The following CFC1 variants were observed in gnomAD, a reference collection of about 807,000 sequenced individuals.
The protein encoded by CFC1 is cryptic, EGF-CFC family member 1, also known as cryptic protein.
For synonymous variants in CFC1, 8 were observed against 50.7 expected (o/e 0.16, Z 3.58); for missense variants, 14 against 120.0 (o/e 0.12, Z 4.13).
At chr2:130,596,056 T>C (rs1014409754) in intron 5 of CFC1, among the ~76,000 whole-genome samples, 1 of 74,176 alleles carries the variant, frequency 1.3e-5, no homozygotes, top group Non-Finnish European at 2.5e-5. Context: ...CCAGCATCAC[T>C]GTAACTTGCC....
chr2:130,595,549 G>A (rs1684943419), intron 5 of CFC1, among the ~76,000 whole-genome samples: 1 of 147,494 alleles, frequency 6.8e-6, no homozygotes, highest in Non-Finnish European at 1.5e-5. Flanking sequence ...GGCTAACATG[G>A]TTAAACCCCG....
intron 5 of CFC1, among the ~76,000 whole-genome samples, chr2:130,593,451 A>G (rs1684873596): frequency 6.6e-6 from 1 of 152,150 alleles, no homozygotes; most frequent in African/African-American, 2.4e-5. Flanking sequence ...TAGTATATAA[A>G]TCAGCTCGCT....
At chr2:130,594,353 G>A in intron 5 of CFC1, among the ~76,000 whole-genome samples, 1 of 145,910 alleles carries the variant, frequency 6.9e-6, no homozygotes, top group East Asian at 2.0e-4. Flanking sequence ...CTCACAGCAT[G>A]TGAAGCTATT....
chr2:130,593,910 C>T (rs2105170592), intron 5 of CFC1, among the ~76,000 whole-genome samples: 1 of 140,116 alleles, frequency 7.1e-6, no homozygotes, highest in South Asian at 2.3e-4. Context: ...AACATTCTCA[C>T]AAGCGAGTCC....
chr2:130,594,117 A>G (rs1308567125), intron 5 of CFC1, among the ~76,000 whole-genome samples: 1 of 151,632 alleles, frequency 6.6e-6, no homozygotes, highest in East Asian at 1.9e-4. Flanking sequence ...ATTAACAAGG[A>G]ATGATGCAGA....
intron 5 of CFC1, among the ~76,000 whole-genome samples, chr2:130,595,832 A>G (rs2105174130): frequency 6.9e-6 from 1 of 145,652 alleles, no homozygotes; most frequent in South Asian, 2.1e-4. Context: ...AGCTTCCCCA[A>G]ATGTAAAAGG....
At chr2:130,594,234 C>T (rs1247691436) in intron 5 of CFC1, among the ~76,000 whole-genome samples, 2 of 148,480 alleles carry the variant, frequency 1.3e-5, no homozygotes, top group Non-Finnish European at 2.9e-5. Context: ...CCCATAGCAC[C>T]CCCCACCTTG....
chr2:130,593,369 G>C (rs539407606), intron 5 of CFC1, among the ~76,000 whole-genome samples: 1,114 of 151,940 alleles, frequency 7.3e-3, no homozygotes, highest in Admixed American at 0.014. Context: ...CATTTGGCCC[G>C]TGACCTTTCA....
At chr2:130,595,982 G>A (rs1443259773) in intron 5 of CFC1, among the ~76,000 whole-genome samples, 1 of 98,586 alleles carries the variant, frequency 1.0e-5, no homozygotes, top group Non-Finnish European at 1.9e-5. Context: ...CACGGAGGAT[G>A]TTCCATCTAT....
At chr2:130,594,138 C>T (rs1368619268) in intron 5 of CFC1, among the ~76,000 whole-genome samples, 1 of 151,712 alleles carries the variant, frequency 6.6e-6, no homozygotes. Flanking sequence ...TGAACACCTG[C>T]AGCAAGAACC....
chr2:130,595,653 G>A (rs1263334113), intron 5 of CFC1, among the ~76,000 whole-genome samples: 2 of 148,160 alleles, frequency 1.3e-5, no homozygotes, highest in Non-Finnish European at 3.0e-5. Context: ...CAGGAGAATG[G>A]CATGAACCCT....
chr2:130,593,373 C>T lies in CFC1; in HGVS notation c.473-297G>A, dbSNP rs1419545618. Among the ~76,000 whole-genome samples, 4 of 152,414 alleles carry T rather than the reference C, an allele frequency of 2.6e-5. No homozygotes were observed. In the South Asian group the frequency reaches 8.3e-4, roughly 32 times the overall value. ...TCCGTCTTTTTCATTTGGCCCGTGA[C>T]CTTTCAGGGAGTCCCGCTCCAGGTC... On this transcript the variant is annotated intron_variant, in intron 5 of 5. Coordinates refer to ENST00000259216, the MANE Select transcript of CFC1 (RefSeq NM_032545.4).
chr2:130,593,349 C>T (rs866517197), intron 5 of CFC1, among the ~76,000 whole-genome samples: 2,373 of 146,622 alleles, frequency 0.016, no homozygotes, highest in African/African-American at 0.061. Flanking sequence ...AACAGCCCTT[C>T]CGTCTTTTTC....
In CFC1 at chr2:130,592,289, A is replaced by G. The variant is rs1684829472; in HGVS notation, c.*588T>C. 2 of 163,628 alleles carry G rather than the reference A, an allele frequency of 1.2e-5. No homozygotes were observed. The highest frequency in any genetic ancestry group is 1.3e-5 in the Non-Finnish European group (1 of 76,054). The allele number at this position is 163,628 out of a possible 1,614,324, so 10.1% of individuals were successfully genotyped here. On this transcript the variant is annotated 3_prime_UTR_variant, in exon 6 of 6. Coordinates refer to ENST00000259216, the MANE Select transcript of CFC1 (RefSeq NM_032545.4). ...TAAACTAATTGACAATATAAAATGT[A>G]AAAGTAATTATGTCACACAGGCTCA...
intron 3 of CFC1, among the ~76,000 whole-genome samples, chr2:130,598,426 A>T (rs1336035551): frequency 2.0e-5 from 3 of 150,616 alleles, no homozygotes; most frequent in Non-Finnish European, 4.4e-5. Flanking sequence ...TGAAGAGCAA[A>T]TACAACGTTT....
At chr2:130,596,971 G>T in intron 5 of CFC1, among the ~76,000 whole-genome samples, 1 of 148,286 alleles carries the variant, frequency 6.7e-6, no homozygotes, top group Non-Finnish European at 1.5e-5. Flanking sequence ...AGAGGGCAGA[G>T]CTCGGGCTGG....
intron 2 of CFC1, 42 bp from the exon 3 acceptor site, chr2:130,598,857 A>G (rs1212136297): frequency 6.7e-7 from 1 of 1,490,912 alleles, no homozygotes; most frequent in African/African-American, 1.5e-5. Flanking sequence ...AATGATTGAG[A>G]AACAAATATT....
intron 3 of CFC1, among the ~76,000 whole-genome samples, 199 bp from the exon 4 acceptor site, chr2:130,598,181 CCCTT>C (rs1684996085): frequency 1.6e-5 from 2 of 128,010 alleles, no homozygotes; most frequent in Non-Finnish European, 3.1e-5. Context: ...CTTGCTCTCT[CCCTT>C]CCTTTCACAT....
chr2:130,595,357 C>T (rs1573958501), intron 5 of CFC1, among the ~76,000 whole-genome samples: 1 of 150,868 alleles, frequency 6.6e-6, no homozygotes, highest in East Asian at 1.9e-4. Flanking sequence ...AGCAATCTTC[C>T]CACCTAAGCC....
Sources: allele counts gnomAD v4.1 joint callset (sites outside exome capture counted in the v4.1 genomes callset), GRCh38; gene constraint gnomAD v4.1.1; transcripts MANE v1.5; gene names NCBI Gene and HGNC (gene_info 2026-07-23, HGNC 2026-07-21).